Variants in PUDP observed in about 807,000 individuals in gnomAD.
PUDP encodes pseudouridine 5'-phosphatase, also known as pseudouridine-5'-phosphatase.
Under a neutral mutation model 9.4 loss-of-function variants are expected in PUDP, and 8 were observed. The ratio of observed to expected loss-of-function variants is 0.85; its 90% CI spans 0.50 to 1.53. PUDP has a LOEUF of 1.53. Among genes scored for constraint, PUDP ranks in the 40% most tolerant of loss-of-function variants. The pLI is 0.00. For missense variants in PUDP, 188 were observed against 189.7 expected (o/e 0.99, Z 0.05); for synonymous variants, 99 against 80.7 (o/e 1.23, Z -1.22).
intron 1 of PUDP, among the ~76,000 whole-genome samples, chrX:7,136,482 A>G (rs1291746071): frequency 8.9e-6 from 1 of 112,206 alleles, no homozygotes; most frequent in Non-Finnish European, 1.9e-5. Context: ...GGAACCACTT[A>G]CAGTCGGGAT....
At chrX:6,725,663 T>G (rs757151659), upstream of PUDP, among the ~76,000 whole-genome samples, 11 of 111,974 alleles carry the variant, frequency 9.8e-5, no homozygotes, top group Non-Finnish European at 1.9e-4. Flanking sequence ...CATGAAAAAA[T>G]GCTCAGCATC....
At chrX:6,858,792 T>C (rs751056917) in intron 3 of PUDP, among the ~76,000 whole-genome samples, 5 of 111,791 alleles carry the variant, frequency 4.5e-5, no homozygotes, top group Admixed American at 9.5e-5. Context: ...GCCCATGGCA[T>C]GGGAAGTCTT....
intron 3 of PUDP, among the ~76,000 whole-genome samples, chrX:6,818,680 C>T (rs1187691208): frequency 8.9e-6 from 1 of 111,922 alleles, no homozygotes; most frequent in Non-Finnish European, 1.9e-5. Flanking sequence ...GGAATAAGCT[C>T]AGAACACAGC....
In PUDP at chrX:7,105,854, AAG is replaced by A. The variant is rs780106991; in HGVS notation, c.62-18_62-17del. Reference sequence around the variant, plus strand: ...CGTTCAGTATCTGCAGGAAAAAAAAAAGAGATTTTTAGAGTGCATACTGTATG... The same window carrying A: ...CGTTCAGTATCTGCAGGAAAAAAAAAAGATTTTTAGAGTGCATACTGTATG... On this transcript the variant is annotated splice_polypyrimidine_tract_variant and intron_variant, in intron 1 of 3. Transcript: ENST00000381077. 2 of 1,128,807 alleles carry A rather than the reference AAG, an allele frequency of 1.8e-6. No individual in the cohort carries two copies. Among genetic ancestry groups the A allele is most frequent in the African/African-American group, 3.6e-5 (2 of 55,865 alleles). 93.0% of individuals were successfully genotyped at this position (1,128,807 alleles called of 1,213,427 possible).
chrX:6,720,752 G>A (rs73188678), intron 1 of PUDP, among the ~76,000 whole-genome samples: 24,485 of 109,739 alleles, frequency 0.22, 2,623 homozygotes, highest in Non-Finnish European at 0.33. Context: ...TAACGTGCTC[G>A]TTTATCAAAA....
rs543676994 is a variant in PUDP at position 7,083,043 on chromosome X, T to C, written c.281-5594A>G. Among the ~76,000 whole-genome samples the C allele has an allele frequency of 1.6e-4, 18 of 112,563 alleles. No individual in the cohort carries two copies. The South Asian group carries it at 6.2e-3, about 39-fold the overall frequency. On this transcript the variant is annotated intron_variant, in intron 2 of 3. Transcript: ENST00000381077. ...ATGTGGCCACAAGCCCAGGGATGCC[T>C]AGAGCCCCCAGGAGCTGGGAAAGGC...
chrX:7,140,792 G>A (rs890319203), intron 1 of PUDP, among the ~76,000 whole-genome samples: 6 of 111,818 alleles, frequency 5.4e-5, no homozygotes, highest in Non-Finnish European at 7.5e-5. Flanking sequence ...GCAACCCTGC[G>A]TCGAGAAAGT....
intron 3 of PUDP, among the ~76,000 whole-genome samples, chrX:6,930,051 G>C (rs1488552652): frequency 9.0e-6 from 1 of 111,654 alleles, no homozygotes; most frequent in African/African-American, 3.3e-5. Context: ...AAGCAGCACA[G>C]GTGCAGGTGG....
At chrX:6,743,167 A>T (rs892263052) in intron 3 of PUDP, among the ~76,000 whole-genome samples, 1 of 112,140 alleles carries the variant, frequency 8.9e-6, no homozygotes, top group Admixed American at 9.4e-5. Flanking sequence ...AAAATAAATA[A>T]GCTCAAGCCT....
intron 3 of PUDP, among the ~76,000 whole-genome samples, chrX:6,852,790 T>G (rs190912433): frequency 6.2e-5 from 7 of 112,005 alleles, no homozygotes; most frequent in Admixed American, 5.7e-4. Flanking sequence ...TCTCTCATTG[T>G]GAGGTATCAC....
At chrX:6,866,306 T>C (rs747134881) in intron 3 of PUDP, among the ~76,000 whole-genome samples, 1 of 109,513 alleles carries the variant, frequency 9.1e-6, no homozygotes, top group South Asian at 4.0e-4. Context: ...CAAGATAGTA[T>C]ACGGTTGTTA....
chrX:6,914,166 CAAAA>C (rs11313132), intron 3 of PUDP, among the ~76,000 whole-genome samples: 42 of 55,050 alleles, frequency 7.6e-4, no homozygotes, highest in East Asian at 2.3e-3. Flanking sequence ...GACCCCGTCT[CAAAA>C]AAAAAAAAAA....
intron 3 of PUDP, among the ~76,000 whole-genome samples, chrX:6,832,052 A>G (rs1203288506): frequency 8.9e-6 from 1 of 112,040 alleles, no homozygotes; most frequent in Non-Finnish European, 1.9e-5. Flanking sequence ...AAACAAATAC[A>G]AATATTTGGA....
In PUDP at chrX:6,815,150, C is replaced by T. The variant is rs759652441; in HGVS notation, c.*248-108684G>A. On this transcript the variant is annotated intron_variant and NMD_transcript_variant, in intron 3 of 3. Transcript: ENST00000655425. ...AAAATCAGATTGTCAGAAAGGGTACCTAAATGATAACTTATTGAAAATGAA... is the reference window on the plus strand; with the variant it reads ...AAAATCAGATTGTCAGAAAGGGTACTTAAATGATAACTTATTGAAAATGAA... Among the ~76,000 whole-genome samples the T allele has an allele frequency of 2.0e-4, 21 of 103,448 alleles. No individual in the cohort carries two copies. In the East Asian group the frequency reaches 4.9e-3, roughly 24 times the overall value. 89.8% of individuals were successfully genotyped at this position (103,448 alleles called of 115,157 possible).
At chrX:6,793,706 C>A (rs1259611914) in intron 3 of PUDP, among the ~76,000 whole-genome samples, 1 of 111,105 alleles carries the variant, frequency 9.0e-6, no homozygotes, top group Non-Finnish European at 1.9e-5. Flanking sequence ...TGCCCACTCC[C>A]AAAGCTCTTA....
At chrX:6,891,965 G>A (rs183614236) in intron 3 of PUDP, among the ~76,000 whole-genome samples, 4 of 111,973 alleles carry the variant, frequency 3.6e-5, no homozygotes, top group African/African-American at 6.5e-5. Flanking sequence ...GGGAAGAACC[G>A]GTAACCTCTT....
intron 1 of PUDP, among the ~76,000 whole-genome samples, chrX:7,136,512 T>G (rs1295094825): frequency 8.9e-6 from 1 of 112,590 alleles, no homozygotes; most frequent in Non-Finnish European, 1.9e-5. Context: ...GTGACCTGGC[T>G]AATTCTCCCA....
At chrX:7,002,252 T>A (rs1929336344) in intron 1 of PUDP, among the ~76,000 whole-genome samples, 1 of 112,079 alleles carries the variant, frequency 8.9e-6, no homozygotes, top group South Asian at 3.7e-4. Flanking sequence ...TGTTTTATAC[T>A]CATCAGATTG....
intron 1 of PUDP, among the ~76,000 whole-genome samples, chrX:7,017,725 T>C (rs1339690299): frequency 9.0e-6 from 1 of 111,614 alleles, no homozygotes; most frequent in African/African-American, 3.3e-5. Flanking sequence ...CCACCCAATG[T>C]TTTCCCAAAA....
Sources: allele counts gnomAD v4.1 joint callset (sites outside exome capture counted in the v4.1 genomes callset), GRCh38; gene constraint gnomAD v4.1.1; transcripts MANE v1.5; gene names NCBI Gene and HGNC (gene_info 2026-07-23, HGNC 2026-07-21).